Variants in ARPC2 observed in about 807,000 individuals in gnomAD.
ARPC2 encodes actin-related protein 2/3 complex subunit 2.
ARPC2 carries 4 observed loss-of-function variants against 38.6 expected under a neutral mutation model. The observed-to-expected ratio is 0.10, with a 90% CI of 0.05 to 0.24. ARPC2 has a LOEUF of 0.24. Ranked by LOEUF, ARPC2 falls within the 10% of genes least tolerant of loss-of-function variation. The pLI is 1.00. For synonymous variants in ARPC2, 125 were observed against 140.8 expected, an observed-to-expected ratio of 0.89 and a Z score of 0.79; for missense variants, 229 against 387.3, an observed-to-expected ratio of 0.59 and a Z score of 3.43.
At chr2:218,239,198 T>A in intron 6 of ARPC2, 193 bp from the exon 7 acceptor site, 1 of 589,236 alleles carries the variant, frequency 1.7e-6, no homozygotes, top group South Asian at 2.2e-5. Flanking sequence ...ATAATTTCCA[T>A]CTGCTGCCTC....
intron 5 of ARPC2, chr2:218,236,515 G>GGT (rs1559479835): frequency 6.6e-6 from 1 of 152,114 alleles, no homozygotes; most frequent in Non-Finnish European, 1.5e-5. Context: ...GACCTCAGCC[G>GGT]GGCGCGGTGG....
intron 2 of ARPC2, among the ~76,000 whole-genome samples, chr2:218,219,127 C>G (rs1183177019): frequency 6.6e-6 from 1 of 152,182 alleles, no homozygotes; most frequent in Non-Finnish European, 1.5e-5. Context: ...ATAAGCTGAT[C>G]TACAAGATAA....
chr2:218,234,235 AAGTT>A, intron 4 of ARPC2, 113 bp from the exon 5 acceptor site: 2 of 740,474 alleles, frequency 2.7e-6, no homozygotes, highest in East Asian at 2.8e-5. Context: ...CACCAAATGA[AAGTT>A]AGGAAGAATG....
chr2:218,250,522 G>A (rs142487574), intron 10 of ARPC2, among the ~76,000 whole-genome samples: 4,759 of 152,156 alleles, frequency 0.031, 81 homozygotes, highest in African/African-American at 0.035. Context: ...AAAATTAGCC[G>A]GTCGTGGTGG....
chr2:218,225,917 C>T lies in ARPC2; in HGVS notation c.75-3C>T. 6.2e-7 allele frequency: 1 copy of T among 1,613,536 alleles called. No individual in the cohort carries two copies. Among genetic ancestry groups the T allele is most frequent in the South Asian group, 1.1e-5 (1 of 91,068 alleles). ...AACTGAGGACCTTTTTTGTTGTTTA[C>T]AGAAACAAACCGGAAGCAGTAGAAG... is the stretch of plus-strand genomic sequence containing the variant. On this transcript the variant is annotated splice_region_variant and splice_polypyrimidine_tract_variant and intron_variant, in intron 2 of 10. Transcript: ENST00000315717.
At chr2:218,228,963 C>A in intron 4 of ARPC2, 113 bp downstream of exon 4, 1 of 652,192 alleles carries the variant, frequency 1.5e-6, no homozygotes, top group Non-Finnish European at 2.7e-6. Flanking sequence ...TACTTGCTCA[C>A]CTAACTAGGG....
In ARPC2 at chr2:218,239,961, C is replaced by T. The variant is rs539885509; in HGVS notation, c.549+477C>T. On this transcript the variant is annotated intron_variant, in intron 7 of 10. Coordinates refer to ENST00000315717, the MANE Select transcript of ARPC2 (RefSeq NM_152862.3). ...ACTCAGTGAATATTTTTTGTTGCTG[C>T]TGCTGTTGTTTTGAGGTGGAGTCTT... 2.6e-5 allele frequency among the ~76,000 whole-genome samples: 4 copies of T among 151,204 alleles called. No homozygotes were observed. In the South Asian group the frequency reaches 8.4e-4, roughly 32 times the overall value.
At chr2:218,230,388 C>A (rs1223516508) in intron 4 of ARPC2, among the ~76,000 whole-genome samples, 1 of 143,516 alleles carries the variant, frequency 7.0e-6, no homozygotes, top group Non-Finnish European at 1.5e-5. Context: ...ACCTCCCAGG[C>A]TCAAGCAGTC....
At chr2:218,253,863 A>T in intron 10 of ARPC2, 28 bp from the exon 11 acceptor site, 1 of 1,612,174 alleles carries the variant, frequency 6.2e-7, no homozygotes. Flanking sequence ...CCAGAAACTG[A>T]CCTTCGCACT....
At position 218,234,475 on chromosome 2, in the gene ARPC2, A is replaced by C. The variant is rs149608059; in HGVS notation, c.268+78A>C. The C allele has an allele frequency of 3.6e-4, 411 of 1,155,632 alleles. 3 individuals carry two copies. The African/African-American group carries it at 6.0e-3, about 17-fold the overall frequency. The allele number at this position is 1,155,632 out of a possible 1,614,324, so 71.6% of individuals were successfully genotyped here. ...TTTATATTATGCTTTTTTTACCCAA[A>C]GGATTTCGTTTAAATATTATTACAA... On this transcript the variant is annotated intron_variant, in intron 5 of 10. Transcript: ENST00000315717.
intron 2 of ARPC2, among the ~76,000 whole-genome samples, chr2:218,224,138 C>T (rs1197949099): frequency 6.6e-6 from 1 of 152,152 alleles, no homozygotes; most frequent in Non-Finnish European, 1.5e-5. Flanking sequence ...TAAGATCGAT[C>T]GTAGCAACTT....
intron 5 of ARPC2, 56 bp from the exon 6 acceptor site, chr2:218,238,608 T>TAA: frequency 2.1e-6 from 2 of 952,180 alleles, no homozygotes; most frequent in Non-Finnish European, 3.0e-6. Context: ...TTTTTTTTTT[T>TAA]TTTTAAATGT....
intron 4 of ARPC2, among the ~76,000 whole-genome samples, chr2:218,230,301 T>C (rs1574580561): frequency 7.4e-6 from 1 of 135,730 alleles, no homozygotes; most frequent in Non-Finnish European, 1.6e-5. Context: ...TTTTTTTTTT[T>C]TTTTTTTTTT....
At chr2:218,234,701 A>G in intron 5 of ARPC2, 2 of 479,772 alleles carry the variant, frequency 4.2e-6, no homozygotes, top group Non-Finnish European at 7.8e-6. Context: ...GGTGATTAAA[A>G]TGGCTTTGAA....
intron 2 of ARPC2, among the ~76,000 whole-genome samples, chr2:218,218,987 G>A (rs1023401859): frequency 6.6e-6 from 1 of 152,104 alleles, no homozygotes; most frequent in Non-Finnish European, 1.5e-5. Context: ...TCTTATTTTG[G>A]GTGATTGCTG....
rs575203914 is a variant in ARPC2, at chr2:218,251,357, G to A, written c.878+1436G>A. Among the ~76,000 whole-genome samples the A allele has an allele frequency of 1.7e-4, 26 of 150,370 alleles. No individual in the cohort carries two copies. The South Asian group carries it at 2.7e-3, about 16-fold the overall frequency. On this transcript the variant is annotated intron_variant, in intron 10 of 10. Coordinates refer to ENST00000315717, the MANE Select transcript of ARPC2 (RefSeq NM_152862.3). Reference sequence around the variant, plus strand: ...CTCCCAAGTAGCTGGGACTACAGGCGTGCGCCACTAAGCCCCACTAATTTA... The same window carrying A: ...CTCCCAAGTAGCTGGGACTACAGGCATGCGCCACTAAGCCCCACTAATTTA...
chr2:218,250,865 T>G (rs963090371), intron 10 of ARPC2, among the ~76,000 whole-genome samples: 2 of 151,972 alleles, frequency 1.3e-5, no homozygotes, highest in Non-Finnish European at 2.9e-5. Flanking sequence ...GTTTGTTTGT[T>G]TTTTGGTGGG....
chr2:218,250,153 TAAAC>T (rs1344715449), intron 10 of ARPC2, among the ~76,000 whole-genome samples: 2 of 152,220 alleles, frequency 1.3e-5, no homozygotes, highest in East Asian at 1.9e-4. Context: ...AGCTAGGAAA[TAAAC>T]AAAGTTTACC....
chr2:218,221,268 G>GT (rs1689379542), intron 2 of ARPC2, among the ~76,000 whole-genome samples: 1 of 152,226 alleles, frequency 6.6e-6, no homozygotes, highest in African/African-American at 2.4e-5. Context: ...AGCAGTGCCA[G>GT]TTGGGGTGGG....
Sources: allele counts gnomAD v4.1 joint callset (sites outside exome capture counted in the v4.1 genomes callset), GRCh38; gene constraint gnomAD v4.1.1; transcripts MANE v1.5; gene names NCBI Gene and HGNC (gene_info 2026-07-23, HGNC 2026-07-21).